Variants in DENND1A observed in about 807,000 individuals in gnomAD.
DENND1A encodes DENN domain containing 1A.
Under a neutral mutation model 113.7 loss-of-function variants are expected in DENND1A, and 51 were observed. The ratio of observed to expected loss-of-function variants is 0.45; its 90% CI spans 0.36 to 0.57. The LOEUF (loss-of-function observed/expected upper bound fraction) is 0.57, where lower values mean the gene tolerates loss of function less well. Ranked by LOEUF, DENND1A falls within the 20% of genes least tolerant of loss-of-function variation. DENND1A has a pLI of 0.00. For missense variants in DENND1A, 1,258 were observed against 1,395.9 expected (o/e 0.90, Z 1.57); for synonymous variants, 565 against 570.8 (o/e 0.99, Z 0.14).
chr9:123,382,701 C>G (rs549135437), intron 23 of DENND1A, 76 bp from the exon 24 acceptor site: 1,291 of 1,463,270 alleles, frequency 8.8e-4, no homozygotes, highest in Admixed American at 1.1e-3. Flanking sequence ...CACACCACTT[C>G]TGTGTGCTGA....
At chr9:123,384,116 G>A (rs1462076784) in intron 22 of DENND1A, among the ~76,000 whole-genome samples, 7 of 152,236 alleles carry the variant, frequency 4.6e-5, no homozygotes, top group Admixed American at 3.3e-4. Context: ...CTGGGGCTGT[G>A]AACCAGGGCA....
chr9:123,857,585 A>G (rs1359858973), intron 2 of DENND1A, among the ~76,000 whole-genome samples: 1 of 152,236 alleles, frequency 6.6e-6, no homozygotes, highest in Non-Finnish European at 1.5e-5. Flanking sequence ...AAAATTGTGT[A>G]TTATGTGATA....
intron 19 of DENND1A, among the ~76,000 whole-genome samples, chr9:123,439,321 T>C (rs1588533694): frequency 2.0e-5 from 3 of 152,240 alleles, no homozygotes; most frequent in African/African-American, 7.2e-5. Context: ...ACATATATTA[T>C]CTGAAAATAT....
chr9:123,457,322 C>T (rs372870899), intron 15 of DENND1A, 26 bp downstream of exon 15: 25 of 1,587,664 alleles, frequency 1.6e-5, no homozygotes, highest in Middle Eastern at 3.3e-4. Context: ...CCTGCAGCCC[C>T]GGAAGGAAAA....
At chr9:123,415,766 T>C (rs183694073) in intron 19 of DENND1A, among the ~76,000 whole-genome samples, 2 of 152,296 alleles carry the variant, frequency 1.3e-5, no homozygotes, top group East Asian at 1.9e-4. Flanking sequence ...GGGCATCTGA[T>C]GGCACTTCAC....
chr9:123,528,633 A>G (rs1438280490), intron 13 of DENND1A, among the ~76,000 whole-genome samples: 1 of 152,106 alleles, frequency 6.6e-6, no homozygotes, highest in Non-Finnish European at 1.5e-5. Flanking sequence ...TGCCCTTCTC[A>G]CTGGCCTCTG....
At chr9:123,403,038 T>C (rs1306688995) in intron 21 of DENND1A, among the ~76,000 whole-genome samples, 1 of 152,182 alleles carries the variant, frequency 6.6e-6, no homozygotes, top group East Asian at 1.9e-4. Context: ...CCTAGGAAGG[T>C]GGGTGGATCC....
chr9:123,471,508 T>C (rs1175009814), intron 13 of DENND1A, among the ~76,000 whole-genome samples: 1 of 152,208 alleles, frequency 6.6e-6, no homozygotes, highest in East Asian at 1.9e-4. Flanking sequence ...ACGCGCTACC[T>C]GTGCAGGACA....
At chr9:123,692,254 A>G (rs547887815) in intron 5 of DENND1A, among the ~76,000 whole-genome samples, 5 of 152,388 alleles carry the variant, frequency 3.3e-5, no homozygotes, top group South Asian at 2.1e-4. Flanking sequence ...TATGACTGTT[A>G]GGTAGATGTC....
At chr9:123,393,183 CT>C (rs2042943059) in intron 21 of DENND1A, among the ~76,000 whole-genome samples, 1 of 152,216 alleles carries the variant, frequency 6.6e-6, no homozygotes, top group Non-Finnish European at 1.5e-5. Flanking sequence ...TCGTAAAGGG[CT>C]TTGCATGGTG....
At chr9:123,923,973 G>A (rs192466158) in intron 1 of DENND1A, among the ~76,000 whole-genome samples, 1 of 152,220 alleles carries the variant, frequency 6.6e-6, no homozygotes, top group Admixed American at 6.5e-5. Context: ...CACACAAAAT[G>A]TTCATAGCAA....
At chr9:123,428,609 A>ATTATCTTTAT (rs956039396) in intron 19 of DENND1A, among the ~76,000 whole-genome samples, 4 of 152,352 alleles carry the variant, frequency 2.6e-5, no homozygotes, top group African/African-American at 9.6e-5. Context: ...AGGAAGTCAA[A>ATTATCTTTAT]TTATCTTTAT....
chr9:123,887,397 A>G (rs965815453), intron 1 of DENND1A, among the ~76,000 whole-genome samples: 2 of 152,136 alleles, frequency 1.3e-5, no homozygotes, highest in African/African-American at 4.8e-5. Flanking sequence ...TGAGGAAGAC[A>G]TCTACTCAGG....
At chr9:123,587,935 C>T (rs535601682) in intron 11 of DENND1A, among the ~76,000 whole-genome samples, 1 of 152,176 alleles carries the variant, frequency 6.6e-6, no homozygotes, top group Non-Finnish European at 1.5e-5. Context: ...GTTATATCAA[C>T]ATGCTCAGAG....
chr9:123,688,601 C>T (rs1185671854), intron 5 of DENND1A, among the ~76,000 whole-genome samples: 2 of 152,138 alleles, frequency 1.3e-5, no homozygotes, highest in African/African-American at 2.4e-5. Flanking sequence ...GTATGATGCG[C>T]ATTCCTTCTG....
At chr9:123,559,030 A>T (rs2057586535) in intron 12 of DENND1A, among the ~76,000 whole-genome samples, 1 of 152,170 alleles carries the variant, frequency 6.6e-6, no homozygotes, top group South Asian at 2.1e-4. Flanking sequence ...AAGGTCAAGG[A>T]AGGCTTCCTG....
chr9:123,683,288 T>G (rs1211854015), intron 5 of DENND1A, among the ~76,000 whole-genome samples: 1 of 152,118 alleles, frequency 6.6e-6, no homozygotes. Flanking sequence ...AAAACAAGGA[T>G]AGTAACACAA....
intron 10 of DENND1A, among the ~76,000 whole-genome samples, chr9:123,614,003 A>G (rs2060530168): frequency 6.6e-6 from 1 of 152,190 alleles, no homozygotes. Context: ...TACCTGGAAG[A>G]TATCTTTAGT....
intron 2 of DENND1A, among the ~76,000 whole-genome samples, chr9:123,795,884 G>A (rs985944283): frequency 2.6e-5 from 4 of 152,124 alleles, no homozygotes; most frequent in African/African-American, 4.8e-5. Flanking sequence ...TTGCTTAGGC[G>A]ATTGGCAGTA....
Sources: gnomAD v4.1 joint callset for allele counts (sites outside exome capture counted in the v4.1 genomes callset) on GRCh38, gnomAD v4.1.1 for gene constraint, MANE v1.5 for transcripts, NCBI Gene and HGNC (gene_info 2026-07-23, HGNC 2026-07-21) for gene names.